The following GALNT13 variants were observed in gnomAD, a reference collection of about 807,000 sequenced individuals.
GALNT13 encodes UDP-GalNAc:polypeptide N-acetylgalactosaminyltransferase 13.
Under a neutral mutation model 64.2 loss-of-function variants are expected in GALNT13, and 28 were observed. The observed-to-expected ratio is 0.44, with a 90% confidence interval of 0.32 to 0.60. The LOEUF is 0.60. GALNT13 is among the 20% of genes least tolerant of loss of function. The pLI is 0.05. For missense variants in GALNT13, 577 were observed against 669.8 expected, an observed-to-expected ratio of 0.86 and a Z score of 1.53; for synonymous variants, 214 against 224.6, an observed-to-expected ratio of 0.95 and a Z score of 0.42.
At chr2:153,359,140 A>T in the GALNT13 span, among the ~76,000 whole-genome samples, 1 of 152,340 alleles carries the variant, frequency 6.6e-6, no homozygotes, top group African/African-American at 2.4e-5. Flanking sequence ...GATGGTAATT[A>T]TCAATGATTT....
chr2:153,980,732 C>G (rs1440244470), intron 3 of GALNT13, among the ~76,000 whole-genome samples: 2 of 152,118 alleles, frequency 1.3e-5, no homozygotes, highest in African/African-American at 4.8e-5. Flanking sequence ...AAAAACTTCT[C>G]TACTCATATA....
intron 2 of GALNT13, among the ~76,000 whole-genome samples, chr2:153,920,069 A>C (rs939343213): frequency 6.7e-6 from 1 of 149,384 alleles, no homozygotes; most frequent in African/African-American, 2.4e-5. Flanking sequence ...AATTTTTAGA[A>C]AAAATAATAC....
At chr2:153,918,876 A>G (rs188207452) in intron 2 of GALNT13, among the ~76,000 whole-genome samples, 1 of 152,180 alleles carries the variant, frequency 6.6e-6, no homozygotes, top group South Asian at 2.1e-4. Flanking sequence ...TCATAGCTAA[A>G]TGTCTCCAAG....
At chr2:153,747,809 A>G in the GALNT13 span, among the ~76,000 whole-genome samples, 8 of 152,138 alleles carry the variant, frequency 5.3e-5, no homozygotes, top group Non-Finnish European at 1.2e-4. Context: ...CTCACTTAAC[A>G]TAATGGTCAC....
chr2:154,112,437 T>C (rs895659701), intron 3 of GALNT13, among the ~76,000 whole-genome samples: 2 of 152,204 alleles, frequency 1.3e-5, no homozygotes, highest in Admixed American at 6.5e-5. Flanking sequence ...AGGTCACCCA[T>C]TGGTGAGCAC....
the GALNT13 span, among the ~76,000 whole-genome samples, chr2:153,666,533 T>C: frequency 6.6e-6 from 1 of 152,026 alleles, no homozygotes; most frequent in Non-Finnish European, 1.5e-5. Flanking sequence ...CCTTAAAGGG[T>C]CAGAGAACAG....
the GALNT13 span, among the ~76,000 whole-genome samples, chr2:153,432,648 G>C: frequency 4.6e-5 from 7 of 151,912 alleles, no homozygotes; most frequent in Admixed American, 6.6e-5. Context: ...TCATCCACCT[G>C]ATCTAGTTGT....
the GALNT13 span, among the ~76,000 whole-genome samples, chr2:153,284,678 A>G: frequency 4.6e-5 from 7 of 152,096 alleles, no homozygotes; most frequent in African/African-American, 1.7e-4. Context: ...TGCCTCTCTC[A>G]TATCCGGGGG....
rs112618831 is a variant in GALNT13, at chr2:154,108,113, C to T, written c.143-32224C>T. 5.9e-5 allele frequency among the ~76,000 whole-genome samples: 9 copies of T among 151,946 alleles called. 1 individual carries two copies. Among genetic ancestry groups the T allele is most frequent in the African/African-American group, 2.2e-4 (9 of 41,508 alleles). ...AATTCAAATCTTTTGGATAAATACA[C>T]AGAAGTGGGATTGCTTGATCACTTG... On this transcript the variant is annotated intron_variant, in intron 3 of 12. Transcript: ENST00000392825.
At chr2:153,318,151 A>G in the GALNT13 span, among the ~76,000 whole-genome samples, 1 of 149,752 alleles carries the variant, frequency 6.7e-6, no homozygotes, top group Non-Finnish European at 1.5e-5. Context: ...TTTAAAACAT[A>G]GACATGGAAG....
At chr2:153,307,130 T>G in the GALNT13 span, among the ~76,000 whole-genome samples, 1 of 152,252 alleles carries the variant, frequency 6.6e-6, no homozygotes, top group Non-Finnish European at 1.5e-5. Flanking sequence ...TTTTTCAGCA[T>G]TCATGTATGT....
At chr2:154,214,380 ATTG>A (rs1559029252) in intron 4 of GALNT13, among the ~76,000 whole-genome samples, 1 of 151,978 alleles carries the variant, frequency 6.6e-6, no homozygotes, top group East Asian at 1.9e-4. Context: ...TTGTTGTACT[ATTG>A]TTGTATTTGC....
the GALNT13 span, among the ~76,000 whole-genome samples, chr2:153,829,301 G>A: frequency 6.6e-6 from 1 of 152,146 alleles, no homozygotes; most frequent in South Asian, 2.1e-4. Context: ...GCATACCTAA[G>A]ACTGGGTTAT....
chr2:154,393,844 C>T (rs1215093025), intron 9 of GALNT13, among the ~76,000 whole-genome samples: 13 of 151,560 alleles, frequency 8.6e-5, no homozygotes, highest in Middle Eastern at 3.4e-3. Flanking sequence ...TTTGGGAGGC[C>T]GAGGCGGGCG....
chr2:153,446,791 T>G, the GALNT13 span: 1 of 152,276 alleles, frequency 6.6e-6, no homozygotes. Context: ...ATTAGCATAT[T>G]TTTTCTTCTT....
chr2:153,348,449 C>G, the GALNT13 span, among the ~76,000 whole-genome samples: 2 of 152,078 alleles, frequency 1.3e-5, no homozygotes, highest in African/African-American at 4.8e-5. Flanking sequence ...AGCAGTTGTG[C>G]CCAGAAATTA....
intron 3 of GALNT13, among the ~76,000 whole-genome samples, chr2:153,996,152 T>A (rs1415946022): frequency 2.6e-5 from 4 of 152,200 alleles, no homozygotes; most frequent in Non-Finnish European, 4.4e-5. Context: ...TGCAGTTATC[T>A]CTTCAGCATA....
intron 4 of GALNT13, among the ~76,000 whole-genome samples, chr2:154,185,391 A>G (rs1314643483): frequency 6.6e-6 from 1 of 151,896 alleles, no homozygotes; most frequent in African/African-American, 2.4e-5. Flanking sequence ...TCATTTCCCT[A>G]TTTGTATTTG....
the GALNT13 span, chr2:153,159,043 C>G: frequency 2.3e-5 from 4 of 177,694 alleles, no homozygotes; most frequent in Admixed American, 2.1e-4. Flanking sequence ...AGCTTTCACA[C>G]AGGGCAGCCA....
Sources: gnomAD v4.1 joint callset for allele counts (sites outside exome capture counted in the v4.1 genomes callset) on GRCh38, gnomAD v4.1.1 for gene constraint, MANE v1.5 for transcripts, NCBI Gene and HGNC (gene_info 2026-07-23, HGNC 2026-07-21) for gene names.